Variants in NKAIN2 observed in about 807,000 individuals in gnomAD.
The protein encoded by NKAIN2 is sodium/potassium-transporting ATPase subunit beta-1-interacting protein 2.
A neutral mutation model predicts 32.6 loss-of-function variants in NKAIN2; 14 were observed. That is an observed-to-expected ratio of 0.43 (90% confidence interval 0.28 to 0.67). The LOEUF (loss-of-function observed/expected upper bound fraction) is 0.67. Among genes scored for constraint, NKAIN2 ranks in the 30% least tolerant of loss-of-function variants. The pLI, the probability that NKAIN2 is intolerant of heterozygous loss-of-function variation, is 0.17. For synonymous variants in NKAIN2, 80 were observed against 87.2 expected (o/e 0.92, Z 0.46); for missense variants, 198 against 258.3 (o/e 0.77, Z 1.60).
At position 123,962,411 on chromosome 6, in the gene NKAIN2, G is replaced by T. The variant is rs146974375; in HGVS notation, c.54+158157G>T. On this transcript the variant is annotated intron_variant, in intron 1 of 6. Coordinates refer to ENST00000368417, the MANE Select transcript of NKAIN2 (RefSeq NM_001040214.3). ...CACGATTCTATTTCCTTATCTGCTT[G>T]CAGAGCTATTTAAGAATCAATGTCT... 5.5e-3 allele frequency among the ~76,000 whole-genome samples: 841 copies of T among 152,226 alleles called. 4 individuals carry two copies. The highest frequency in any genetic ancestry group is 0.018 in the African/African-American group (762 of 41,538).
chr6:124,647,145 T>C (rs979894020), intron 3 of NKAIN2, among the ~76,000 whole-genome samples: 2 of 151,994 alleles, frequency 1.3e-5, no homozygotes, highest in Non-Finnish European at 2.9e-5. Context: ...ACGTGAACAC[T>C]AATTCTAAAA....
chr6:124,359,618 A>T (rs150586632), intron 3 of NKAIN2, among the ~76,000 whole-genome samples: 2,229 of 152,254 alleles, frequency 0.015, 24 homozygotes, highest in Non-Finnish European at 0.02. Context: ...TTGCACATTC[A>T]TTTTGTATCC....
At chr6:124,242,787 A>G (rs1479748980) in intron 1 of NKAIN2, among the ~76,000 whole-genome samples, 2 of 151,954 alleles carry the variant, frequency 1.3e-5, no homozygotes, top group African/African-American at 4.8e-5. Flanking sequence ...CTAACACAGG[A>G]ACAGAAAACT....
At chr6:124,530,081 T>C (rs928734119) in intron 3 of NKAIN2, among the ~76,000 whole-genome samples, 2 of 152,128 alleles carry the variant, frequency 1.3e-5, no homozygotes, top group African/African-American at 4.8e-5. Context: ...CCAGAACCAA[T>C]AGGATATACA....
intron 1 of NKAIN2, among the ~76,000 whole-genome samples, chr6:124,140,263 C>G (rs749821980): frequency 6.6e-6 from 1 of 152,074 alleles, no homozygotes; most frequent in Non-Finnish European, 1.5e-5. Flanking sequence ...AAGAATTATG[C>G]AAAATATGTA....
chr6:124,565,544 G>A (rs534771187), intron 3 of NKAIN2, among the ~76,000 whole-genome samples: 10 of 152,248 alleles, frequency 6.6e-5, no homozygotes, highest in South Asian at 6.2e-4. Flanking sequence ...TGCCAGAGAC[G>A]TAATCTCCTC....
At chr6:124,026,477 T>A (rs943098504) in intron 1 of NKAIN2, among the ~76,000 whole-genome samples, 2 of 152,208 alleles carry the variant, frequency 1.3e-5, no homozygotes, top group Non-Finnish European at 2.9e-5. Context: ...GCTATAATAT[T>A]TACTAGCTAG....
At chr6:123,960,464 T>C (rs2114610387) in intron 1 of NKAIN2, among the ~76,000 whole-genome samples, 1 of 152,278 alleles carries the variant, frequency 6.6e-6, no homozygotes, top group African/African-American at 2.4e-5. Flanking sequence ...GAGCTTCTTT[T>C]TCCATGTGCT....
rs918199976 is a variant in NKAIN2, at chr6:124,361,156, G to T, written c.273+5809G>T. Among the ~76,000 whole-genome samples, 58 of 151,862 alleles carry T rather than the reference G, an allele frequency of 3.8e-4. 1 individual carries two copies. On this transcript the variant is annotated intron_variant, in intron 3 of 6. Transcript: ENST00000368417. ...GTAGGAAAGAAAACATATATAATAT[G>T]GTGATTAATCTATTCATTTCATCAC...
intron 1 of NKAIN2, among the ~76,000 whole-genome samples, chr6:123,990,489 G>T (rs1223614133): frequency 1.3e-5 from 2 of 152,126 alleles, no homozygotes; most frequent in African/African-American, 4.8e-5. Context: ...ACATTACGTT[G>T]TAAGACTAGT....
chr6:124,677,391 C>A (rs1457590210), intron 4 of NKAIN2, among the ~76,000 whole-genome samples: 1 of 152,034 alleles, frequency 6.6e-6, no homozygotes, highest in East Asian at 1.9e-4. Context: ...TAATTGTTTT[C>A]TCTTGGTCTT....
chr6:124,491,959 C>T (rs1472723338), intron 3 of NKAIN2, among the ~76,000 whole-genome samples: 1 of 151,820 alleles, frequency 6.6e-6, no homozygotes, highest in Admixed American at 6.6e-5. Context: ...AACAGAAATG[C>T]GTTACTCAGT....
chr6:124,221,102 C>T (rs1353569953), intron 1 of NKAIN2, among the ~76,000 whole-genome samples: 2 of 151,808 alleles, frequency 1.3e-5, no homozygotes, highest in Non-Finnish European at 2.9e-5. Flanking sequence ...AAGACACATG[C>T]ACACGTATGT....
At chr6:123,954,839 G>A (rs189668757) in intron 1 of NKAIN2, among the ~76,000 whole-genome samples, 198 of 152,150 alleles carry the variant, frequency 1.3e-3, no homozygotes, top group African/African-American at 4.5e-3. Flanking sequence ...GGTACCTAGG[G>A]GGTCACCTTT....
At chr6:123,979,129 C>CT (rs1335906196) in intron 1 of NKAIN2, among the ~76,000 whole-genome samples, 1 of 151,128 alleles carries the variant, frequency 6.6e-6, no homozygotes, top group African/African-American at 2.5e-5. Context: ...CATTCTTCAT[C>CT]TTTTTTTGTT....
intron 1 of NKAIN2, among the ~76,000 whole-genome samples, chr6:123,972,782 A>G (rs1334355402): frequency 6.6e-6 from 1 of 152,100 alleles, no homozygotes; most frequent in African/African-American, 2.4e-5. Context: ...GACTTCCAGG[A>G]ATAGATTCCC....
chr6:123,957,604 G>A (rs945554615), intron 1 of NKAIN2, among the ~76,000 whole-genome samples: 3 of 152,022 alleles, frequency 2.0e-5, no homozygotes, highest in African/African-American at 4.8e-5. Context: ...CAACTCAACC[G>A]CCAGCTCTTA....
chr6:124,385,729 C>T (rs1034358645), intron 3 of NKAIN2, among the ~76,000 whole-genome samples: 6 of 150,364 alleles, frequency 4.0e-5, no homozygotes, highest in Admixed American at 4.0e-4. Flanking sequence ...TATAGGTGAA[C>T]ATATCTATCT....
chr6:124,011,244 C>G (rs1270962765), intron 1 of NKAIN2, among the ~76,000 whole-genome samples: 2 of 152,060 alleles, frequency 1.3e-5, no homozygotes, highest in Non-Finnish European at 2.9e-5. Context: ...TTCTTTTTCT[C>G]CATTCACACC....
Sources: gnomAD v4.1 joint callset for allele counts (sites outside exome capture counted in the v4.1 genomes callset) on GRCh38, gnomAD v4.1.1 for gene constraint, MANE v1.5 for transcripts, NCBI Gene and HGNC (gene_info 2026-07-23, HGNC 2026-07-21) for gene names.